Variants in WWOX observed in about 807,000 individuals in gnomAD.
WWOX encodes the protein WW domain-containing oxidoreductase.
WWOX carries 69 observed loss-of-function variants against 46.2 expected under a neutral mutation model. The observed-to-expected ratio is 1.49, with a 90% CI of 1.23 to 1.82. WWOX has a LOEUF of 1.82. WWOX is among the 40% of genes most tolerant of loss of function. WWOX has a pLI of 0.00. For synonymous variants in WWOX, 359 were observed against 202.6 expected, an observed-to-expected ratio of 1.77 and a Z score of -6.56; for missense variants, 919 against 542.6, an observed-to-expected ratio of 1.69 and a Z score of -6.89.
At position 78,578,254 on chromosome 16, in the gene WWOX, T is replaced by TTTTATA. The variant is rs1462537260; in HGVS notation, c.1056+145503_1056+145504insTTATAT. ...TACAAATATATGTGCATACCAAATT[T>TTTTATA]TATATATATATATATATATATATAT... is the stretch of plus-strand genomic sequence containing the variant. On this transcript the variant is annotated intron_variant, in intron 8 of 8. Transcript: ENST00000566780. Among the ~76,000 whole-genome samples the TTTTATA allele has an allele frequency of 1.2e-3, 38 of 31,642 alleles. 1 individual carries two copies. The highest frequency in any genetic ancestry group is 1.8e-3 in the African/African-American group (19 of 10,296). 20.8% of individuals were successfully genotyped at this position (31,642 alleles called of 152,430 possible).
chr16:78,711,165 T>G (rs1371606490), intron 8 of WWOX, among the ~76,000 whole-genome samples: 1 of 152,214 alleles, frequency 6.6e-6, no homozygotes, highest in East Asian at 1.9e-4. Flanking sequence ...CTGTTCTTGC[T>G]AGTCTGGCCT....
intron 8 of WWOX, among the ~76,000 whole-genome samples, chr16:78,635,118 A>T (rs1403079671): frequency 1.3e-5 from 2 of 152,110 alleles, no homozygotes; most frequent in Non-Finnish European, 2.9e-5. Context: ...TCAGATTTCA[A>T]ATCTAAATGT....
chr16:78,981,733 A>T (rs1047005030), intron 8 of WWOX: 1 of 152,242 alleles, frequency 6.6e-6, no homozygotes, highest in African/African-American at 2.4e-5. Context: ...AGCTTGGAGC[A>T]TCTTAATTTA....
chr16:78,727,575 G>A (rs1270744039), intron 8 of WWOX, among the ~76,000 whole-genome samples: 1 of 152,170 alleles, frequency 6.6e-6, no homozygotes, highest in Non-Finnish European at 1.5e-5. Context: ...CCAGTCCGTG[G>A]GGGCCCTGGT....
At chr16:79,057,258 A>G (rs2048280289) in intron 8 of WWOX, among the ~76,000 whole-genome samples, 1 of 152,162 alleles carries the variant, frequency 6.6e-6, no homozygotes, top group African/African-American at 2.4e-5. Context: ...TCCAATGGCA[A>G]ACTTATGTTT....
chr16:78,284,941 G>C (rs979490277), intron 5 of WWOX, among the ~76,000 whole-genome samples: 1 of 152,122 alleles, frequency 6.6e-6, no homozygotes, highest in Admixed American at 6.5e-5. Context: ...GCAAAATGTT[G>C]GAAGCGGTCT....
rs144013001 is a variant in WWOX, at chr16:78,933,585, A to G, written c.1057-278023A>G. Among the ~76,000 whole-genome samples, 146 of 152,344 alleles carry G rather than the reference A, an allele frequency of 9.6e-4. 1 individual carries two copies. The East Asian group carries it at 0.02, about 21-fold the overall frequency. On this transcript the variant is annotated intron_variant, in intron 8 of 8. Transcript: ENST00000566780. ...GAATTAGCCCATTTTCATGCTGCTG[A>G]TAAAGACATACCCGAGACTGGGCAA...
At chr16:78,501,310 T>C (rs1567609098) in intron 8 of WWOX, among the ~76,000 whole-genome samples, 2 of 151,038 alleles carry the variant, frequency 1.3e-5, no homozygotes, top group South Asian at 2.1e-4. Flanking sequence ...TTTGTGTAAA[T>C]GTTTTGGCAT....
chr16:78,916,226 C>T (rs1240578000), intron 8 of WWOX, among the ~76,000 whole-genome samples: 1 of 152,216 alleles, frequency 6.6e-6, no homozygotes. Flanking sequence ...GACATGTTAA[C>T]AAACAAGTTT....
At chr16:78,116,569 A>G (rs964124301) in intron 4 of WWOX, among the ~76,000 whole-genome samples, 1 of 152,152 alleles carries the variant, frequency 6.6e-6, no homozygotes, top group Non-Finnish European at 1.5e-5. Context: ...ACTTGTCTGA[A>G]CTTCTGCATT....
At chr16:78,328,832 T>TTTTTCTTTTC (rs1555520579) in intron 5 of WWOX, among the ~76,000 whole-genome samples, 1 of 150,384 alleles carries the variant, frequency 6.6e-6, no homozygotes, top group East Asian at 1.9e-4. Flanking sequence ...GTGTTTTTCT[T>TTTTTCTTTTC]TTTTCTTTTC....
At chr16:78,278,037 G>A (rs2079611283) in intron 5 of WWOX, among the ~76,000 whole-genome samples, 2 of 152,102 alleles carry the variant, frequency 1.3e-5, no homozygotes, top group South Asian at 4.2e-4. Context: ...GTGAGTGGGG[G>A]ACAAAGCAAT....
chr16:78,319,360 CT>C (rs2080418689), intron 5 of WWOX, among the ~76,000 whole-genome samples: 2 of 152,172 alleles, frequency 1.3e-5, no homozygotes, highest in Non-Finnish European at 2.9e-5. Flanking sequence ...TCATGGCTCA[CT>C]GCGATCCTCC....
At chr16:78,876,506 A>C (rs1465802652) in intron 8 of WWOX, among the ~76,000 whole-genome samples, 1 of 150,710 alleles carries the variant, frequency 6.6e-6, no homozygotes, top group Non-Finnish European at 1.5e-5. Flanking sequence ...CAAGGGTAAG[A>C]TCTGCTGTCT....
At chr16:79,119,984 C>G (rs1308784280) in intron 8 of WWOX, among the ~76,000 whole-genome samples, 1 of 152,134 alleles carries the variant, frequency 6.6e-6, no homozygotes. Flanking sequence ...TTCCTACAGT[C>G]CAGTGTCAGT....
intron 5 of WWOX, among the ~76,000 whole-genome samples, chr16:78,299,525 T>TCTTTTC (rs201602617): frequency 5.3e-5 from 8 of 150,640 alleles, no homozygotes; most frequent in East Asian, 3.9e-4. Context: ...TCTTTTCTTT[T>TCTTTTC]TTTTTTTTTT....
intron 8 of WWOX, among the ~76,000 whole-genome samples, chr16:78,792,948 A>T (rs1025300923): frequency 6.6e-6 from 1 of 152,230 alleles, no homozygotes; most frequent in Non-Finnish European, 1.5e-5. Flanking sequence ...AACCATGGCA[A>T]TGCAATAGGA....
At chr16:78,354,847 A>G (rs1404051937) in intron 5 of WWOX, among the ~76,000 whole-genome samples, 2 of 152,152 alleles carry the variant, frequency 1.3e-5, no homozygotes, top group Non-Finnish European at 2.9e-5. Context: ...AAAAACAGAG[A>G]TGACAGCCAG....
At chr16:79,200,327 T>C (rs984381202) in intron 8 of WWOX, among the ~76,000 whole-genome samples, 2 of 152,152 alleles carry the variant, frequency 1.3e-5, no homozygotes, top group Non-Finnish European at 2.9e-5. Flanking sequence ...CGCTCTCAGA[T>C]CTGAGGCCAG....
Sources: gnomAD v4.1 joint callset for allele counts (sites outside exome capture counted in the v4.1 genomes callset) on GRCh38, gnomAD v4.1.1 for gene constraint, MANE v1.5 for transcripts, NCBI Gene and HGNC (gene_info 2026-07-23, HGNC 2026-07-21) for gene names.